DIAPH3: variants seen among roughly 807,000 people sequenced by gnomAD.
DIAPH3 encodes protein diaphanous homolog 3.
Under a neutral mutation model 144.3 loss-of-function variants are expected in DIAPH3, and 117 were observed. The observed-to-expected ratio is 0.81, with a 90% CI of 0.70 to 0.95. The LOEUF is 0.95. Among genes scored for constraint, DIAPH3 ranks in the 40% least tolerant of loss-of-function variants. The probability of loss-of-function intolerance (pLI) is 0.00; values close to 1 mark genes in which losing one functional copy is unlikely to be tolerated. For missense variants in DIAPH3, 1,421 were observed against 1,412.7 expected (o/e 1.01, Z -0.09); for synonymous variants, 519 against 488.9 (o/e 1.06, Z -0.81).
intron 17 of DIAPH3, among the ~76,000 whole-genome samples, chr13:59,966,579 C>T (rs55638336): frequency 6.6e-6 from 1 of 152,100 alleles, no homozygotes; most frequent in African/African-American, 2.4e-5. Flanking sequence ...GTAGTCTAAA[C>T]ATTAGAAGTC....
intron 4 of DIAPH3, among the ~76,000 whole-genome samples, chr13:60,046,088 C>T (rs567070318): frequency 1.9e-4 from 29 of 152,152 alleles, no homozygotes; most frequent in African/African-American, 7.0e-4. Flanking sequence ...ACATTGGAAC[C>T]TCTTCTCTTC....
chr13:60,074,547 C>T (rs1259966723), intron 4 of DIAPH3, among the ~76,000 whole-genome samples: 1 of 152,146 alleles, frequency 6.6e-6, no homozygotes, highest in Non-Finnish European at 1.5e-5. Flanking sequence ...TAAAAAGTCA[C>T]CCATAATCTC....
At chr13:59,947,340 C>T (rs1680936161) in intron 17 of DIAPH3, among the ~76,000 whole-genome samples, 1 of 152,160 alleles carries the variant, frequency 6.6e-6, no homozygotes, top group Admixed American at 6.5e-5. Context: ...TCACAAACAG[C>T]AATCTCCTCT....
chr13:59,848,409 G>A (rs954103548), intron 22 of DIAPH3, among the ~76,000 whole-genome samples: 2 of 150,610 alleles, frequency 1.3e-5, no homozygotes, highest in African/African-American at 2.4e-5. Context: ...CTGGTGCGCT[G>A]CACCCACTAA....
intron 18 of DIAPH3, among the ~76,000 whole-genome samples, chr13:59,922,187 T>C (rs888100649): frequency 6.6e-6 from 1 of 151,968 alleles, no homozygotes; most frequent in African/African-American, 2.4e-5. Context: ...ATTCAACATA[T>C]TACTTGAAGT....
Position 60,100,467 on chromosome 13 carries a change from C to A in DIAPH3, c.391-6735G>T, listed in dbSNP as rs540153494. On this transcript the variant is annotated intron_variant, in intron 3 of 27. Transcript: ENST00000400324. The stretch of plus-strand genomic sequence containing the variant: ...TGCAAGATGTGATCCTGGATTAGAT[C>A]CTGGAAGAAAAAAAAGACATGGGTG... Among the ~76,000 whole-genome samples the A allele has an allele frequency of 3.3e-5, 5 of 152,028 alleles. No homozygotes were observed. In the East Asian group the frequency reaches 9.7e-4, roughly 29 times the overall value.
At chr13:59,966,414 C>T (rs2050053887) in intron 17 of DIAPH3, among the ~76,000 whole-genome samples, 1 of 151,662 alleles carries the variant, frequency 6.6e-6, no homozygotes, top group Admixed American at 6.6e-5. Flanking sequence ...CATCAGGAGA[C>T]CAGGAGAAAA....
At chr13:60,083,894 C>A (rs1223610496) in intron 4 of DIAPH3, among the ~76,000 whole-genome samples, 1 of 148,842 alleles carries the variant, frequency 6.7e-6, no homozygotes, top group Non-Finnish European at 1.5e-5. Context: ...AGAGCAAGAC[C>A]CTATGGATGG....
At chr13:59,957,720 C>G (rs540745356) in intron 17 of DIAPH3, among the ~76,000 whole-genome samples, 116 of 151,996 alleles carry the variant, frequency 7.6e-4, no homozygotes, top group African/African-American at 2.3e-3. Flanking sequence ...ACAGAAGATA[C>G]AAAATGAAGT....
chr13:59,880,978 C>CAAA (rs77481523), intron 20 of DIAPH3, among the ~76,000 whole-genome samples: 3,817 of 64,020 alleles, frequency 0.06, 71 homozygotes, highest in Non-Finnish European at 0.078. Flanking sequence ...CAACAAGGAC[C>CAAA]AAAAAAAAAA....
intron 20 of DIAPH3, among the ~76,000 whole-genome samples, chr13:59,880,861 T>A (rs1005953668): frequency 5.9e-5 from 9 of 151,560 alleles, no homozygotes; most frequent in African/African-American, 2.2e-4. Context: ...ACAATCAAGA[T>A]TCTAAGGGCT....
intron 4 of DIAPH3, among the ~76,000 whole-genome samples, chr13:60,090,178 G>A (rs538304808): frequency 1.4e-4 from 22 of 152,226 alleles, no homozygotes; most frequent in South Asian, 1.0e-3. Flanking sequence ...AGAGTGTACC[G>A]GACAAACCTG....
chr13:59,927,327 T>C (rs1478733808), intron 17 of DIAPH3, among the ~76,000 whole-genome samples: 1 of 152,200 alleles, frequency 6.6e-6, no homozygotes, highest in East Asian at 1.9e-4. Context: ...ATCAAGGTCA[T>C]TAATGGGTTA....
intron 27 of DIAPH3, among the ~76,000 whole-genome samples, chr13:59,715,923 C>G (rs1648126456): frequency 6.7e-6 from 1 of 148,534 alleles, no homozygotes; most frequent in Non-Finnish European, 1.5e-5. Flanking sequence ...CTGAGCACTT[C>G]TAAGGATAAT....
chr13:60,015,972 C>A lies in DIAPH3; in HGVS notation c.712G>T (p.Val238Phe). ...KLISGKIQEK[V>F]VKKNQHKVIQ... ...ACTTTATGTTGATTTTTCTTTACAA[C>A]TTTTTCTTGGCTGTATTGACATAAA... Residue 238 changes from valine (V) to phenylalanine (F), a missense_variant, in exon 7 of 28, where the codon GTT becomes TTT. Physicochemically the swap from Val to Phe is conservative, Grantham distance 50 (BLOSUM62 -1). Coordinates refer to ENST00000400324, the MANE Select transcript of DIAPH3 (RefSeq NM_001042517.2). 1 of 1,613,240 alleles carries A rather than the reference C, an allele frequency of 6.2e-7. No individual in the cohort carries two copies. Among genetic ancestry groups the A allele is most frequent in the African/African-American group, 1.3e-5 (1 of 75,008 alleles).
intron 21 of DIAPH3, among the ~76,000 whole-genome samples, chr13:59,868,909 T>C (rs957386670): frequency 1.3e-5 from 2 of 152,192 alleles, no homozygotes; most frequent in South Asian, 4.1e-4. Context: ...AGATCATTTA[T>C]TTTTAATATT....
chr13:59,765,310 T>C (rs2037813116), intron 27 of DIAPH3, among the ~76,000 whole-genome samples: 2 of 152,166 alleles, frequency 1.3e-5, no homozygotes, highest in African/African-American at 4.8e-5. Flanking sequence ...TATTGGCAAA[T>C]GTATCATGGA....
At chr13:60,103,681 T>C (rs2058335142) in intron 3 of DIAPH3, among the ~76,000 whole-genome samples, 1 of 152,178 alleles carries the variant, frequency 6.6e-6, no homozygotes, top group African/African-American at 2.4e-5. Context: ...GTTTTAGGGG[T>C]TAAAGCCAAC....
At chr13:59,816,875 T>G (rs1324023419) in intron 24 of DIAPH3, among the ~76,000 whole-genome samples, 2 of 151,936 alleles carry the variant, frequency 1.3e-5, no homozygotes, top group African/African-American at 4.8e-5. Context: ...CTTAAGCACA[T>G]ATGGTATAAA....
Sources: gnomAD v4.1 joint callset for allele counts (sites outside exome capture counted in the v4.1 genomes callset) on GRCh38, gnomAD v4.1.1 for gene constraint, MANE v1.5 for transcripts, NCBI Gene and HGNC (gene_info 2026-07-23, HGNC 2026-07-21) for gene names.